The following PPP1R13B variants were observed in gnomAD, a reference collection of about 807,000 sequenced individuals.
PPP1R13B encodes apoptosis-stimulating of p53 protein 1.
In PPP1R13B, 44 loss-of-function variants were observed where a neutral mutation model predicts 119.8. The observed-to-expected ratio is 0.37, with a 90% CI of 0.29 to 0.47. The LOEUF (loss-of-function observed/expected upper bound fraction) is 0.47. PPP1R13B is among the 20% of genes least tolerant of loss of function. The pLI is 0.99. For synonymous variants in PPP1R13B, 542 were observed against 561.5 expected, an observed-to-expected ratio of 0.97 and a Z score of 0.49; for missense variants, 1,227 against 1,413.5, an observed-to-expected ratio of 0.87 and a Z score of 2.12.
At chr14:103,825,716 T>C (rs2086522172) in intron 1 of PPP1R13B, among the ~76,000 whole-genome samples, 1 of 152,168 alleles carries the variant, frequency 6.6e-6, no homozygotes. Flanking sequence ...CATCTCTGTA[T>C]CATAAAAGTG....
At position 103,834,581 on chromosome 14, in the gene PPP1R13B, CTTT is replaced by C. The variant is rs1157222905; in HGVS notation, c.9+12715_9+12717del. Among the ~76,000 whole-genome samples the C allele has an allele frequency of 6.8e-4, 61 of 89,380 alleles. No homozygotes were observed. The East Asian group carries it at 0.015, about 22-fold the overall frequency. The allele number at this position is 89,380 out of a possible 152,430, so 58.6% of individuals were successfully genotyped here. On this transcript the variant is annotated intron_variant, in intron 1 of 16. Coordinates refer to ENST00000202556, the MANE Select transcript of PPP1R13B (RefSeq NM_015316.3). ...GCACAGGGAAGGTAAATTTTAATGT[CTTT>C]TTTTTTTTTTTTTTTTTTTTTTTGA... is the stretch of plus-strand genomic sequence containing the variant.
chr14:103,778,319 T>C (rs912226277), intron 4 of PPP1R13B, among the ~76,000 whole-genome samples: 7 of 140,042 alleles, frequency 5.0e-5, no homozygotes, highest in African/African-American at 1.9e-4. Context: ...TGGAGTACAG[T>C]GGTGCGATCT....
At chr14:103,813,961 T>C (rs1427968245) in intron 1 of PPP1R13B, among the ~76,000 whole-genome samples, 1 of 152,242 alleles carries the variant, frequency 6.6e-6, no homozygotes, top group Non-Finnish European at 1.5e-5. Flanking sequence ...CATTATAGTA[T>C]GGACTTTACA....
intron 4 of PPP1R13B, among the ~76,000 whole-genome samples, chr14:103,769,172 GC>G: frequency 6.6e-6 from 1 of 152,128 alleles, no homozygotes; most frequent in Non-Finnish European, 1.5e-5. Flanking sequence ...CGCAACCTGT[GC>G]CTCCTGGGTT....
intron 1 of PPP1R13B, among the ~76,000 whole-genome samples, chr14:103,821,311 C>T (rs2086401019): frequency 6.6e-6 from 1 of 152,170 alleles, no homozygotes; most frequent in Non-Finnish European, 1.5e-5. Flanking sequence ...TTTCCTCTTC[C>T]TCTTTTTAAT....
At chr14:103,806,232 A>G (rs893966575) in intron 1 of PPP1R13B, among the ~76,000 whole-genome samples, 5 of 152,156 alleles carry the variant, frequency 3.3e-5, no homozygotes, top group African/African-American at 1.2e-4. Context: ...AGAACTCAGC[A>G]GATAATATGA....
At chr14:103,776,803 C>T (rs1424293415) in intron 4 of PPP1R13B, among the ~76,000 whole-genome samples, 3 of 149,766 alleles carry the variant, frequency 2.0e-5, no homozygotes, top group South Asian at 2.2e-4. Context: ...ATCCGGGAGG[C>T]GGAGCTTGCA....
chr14:103,786,455 A>G (rs2085463824), intron 2 of PPP1R13B, among the ~76,000 whole-genome samples: 1 of 152,046 alleles, frequency 6.6e-6, no homozygotes, highest in Non-Finnish European at 1.5e-5. Context: ...CTCAGGTATT[A>G]TGCCTATTTT....
At chr14:103,836,778 A>C (rs556446337) in intron 1 of PPP1R13B, among the ~76,000 whole-genome samples, 1 of 146,434 alleles carries the variant, frequency 6.8e-6, no homozygotes, top group Non-Finnish European at 1.5e-5. Flanking sequence ...TCAGAAAAGA[A>C]AAAAAAAAAA....
intron 1 of PPP1R13B, among the ~76,000 whole-genome samples, chr14:103,844,221 C>A (rs924978030): frequency 4.6e-5 from 7 of 151,206 alleles, no homozygotes; most frequent in African/African-American, 1.7e-4. Flanking sequence ...AAGCTGAGAT[C>A]GTATCATTGC....
intron 8 of PPP1R13B, among the ~76,000 whole-genome samples, chr14:103,748,064 CAT>C (rs1232685565): frequency 2.4e-4 from 19 of 80,118 alleles, no homozygotes; most frequent in African/African-American, 7.0e-4. Flanking sequence ...CCTTAAATCA[CAT>C]ACACACACAC....
chr14:103,750,769 T>G (rs2084523174), intron 7 of PPP1R13B, among the ~76,000 whole-genome samples: 1 of 151,110 alleles, frequency 6.6e-6, no homozygotes, highest in Non-Finnish European at 1.5e-5. Flanking sequence ...AGGCGGTGGT[T>G]GCAGTGAGCT....
chr14:103,838,964 G>A (rs2086839903), intron 1 of PPP1R13B, among the ~76,000 whole-genome samples: 1 of 152,152 alleles, frequency 6.6e-6, no homozygotes, highest in Admixed American at 6.5e-5. Context: ...AACTACTTAC[G>A]ATGCAATAAA....
chr14:103,837,930 A>G (rs2086815225), intron 1 of PPP1R13B, among the ~76,000 whole-genome samples: 2 of 151,954 alleles, frequency 1.3e-5, no homozygotes. Flanking sequence ...ACCAGCCTGG[A>G]CAACATGGTG....
intron 2 of PPP1R13B, among the ~76,000 whole-genome samples, chr14:103,793,062 ACT>A (rs1304321129): frequency 7.5e-6 from 1 of 132,802 alleles, no homozygotes; most frequent in Non-Finnish European, 1.6e-5. Context: ...ACAGGGCGAG[ACT>A]CTGTCATAGA....
chr14:103,789,168 C>G (rs2085547245), intron 2 of PPP1R13B, among the ~76,000 whole-genome samples: 1 of 152,164 alleles, frequency 6.6e-6, no homozygotes, highest in Admixed American at 6.6e-5. Context: ...ATTGTTAACA[C>G]TTAAAAATAC....
chr14:103,734,868 T>G lies in PPP1R13B; in HGVS notation c.*286A>C. On this transcript the variant is annotated 3_prime_UTR_variant, in exon 17 of 17. Coordinates refer to ENST00000202556, the MANE Select transcript of PPP1R13B (RefSeq NM_015316.3). ...GGCAACCAACCGGGGGTTATGGGAC[T>G]TCTTAATGGCAAGAGGGGTGGGTGT... 1.9e-6 allele frequency: 1 copy of G among 530,488 alleles called. No homozygotes were observed. The highest frequency in any genetic ancestry group is 4.2e-5 in the East Asian group (1 of 23,546). 32.9% of individuals were successfully genotyped at this position (530,488 alleles called of 1,614,324 possible). A position where few individuals can be genotyped will look rare whatever the true frequency, so the allele number is the denominator to read the frequency against.
intron 4 of PPP1R13B, among the ~76,000 whole-genome samples, chr14:103,768,135 G>GTTTTT: frequency 7.2e-6 from 1 of 138,690 alleles, no homozygotes; most frequent in African/African-American, 2.8e-5. Context: ...TTTTTTTTGA[G>GTTTTT]ATGGAGTCTC....
intron 4 of PPP1R13B, among the ~76,000 whole-genome samples, chr14:103,762,487 C>T (rs868464279): frequency 1.1e-4 from 16 of 151,106 alleles, no homozygotes; most frequent in African/African-American, 3.6e-4. Flanking sequence ...TTAGGAGATA[C>T]ACCTAATGTT....
Sources: gnomAD v4.1 joint callset for allele counts (sites outside exome capture counted in the v4.1 genomes callset) on GRCh38, gnomAD v4.1.1 for gene constraint, MANE v1.5 for transcripts, NCBI Gene and HGNC (gene_info 2026-07-23, HGNC 2026-07-21) for gene names.